GALNTL6: variants seen among roughly 807,000 people sequenced by gnomAD.
GALNTL6 encodes the protein polypeptide N-acetylgalactosaminyltransferase-like 6.
Under a neutral mutation model 73.7 loss-of-function variants are expected in GALNTL6, and 46 were observed. That is an observed-to-expected ratio of 0.62 (90% CI 0.49 to 0.80). GALNTL6 has a LOEUF of 0.80. Ranked by LOEUF, GALNTL6 falls within the 30% of genes least tolerant of loss-of-function variation. GALNTL6 has a pLI of 0.00. For missense variants in GALNTL6, 604 were observed against 755.0 expected, an observed-to-expected ratio of 0.80 and a Z score of 2.34; for synonymous variants, 259 against 263.7, an observed-to-expected ratio of 0.98 and a Z score of 0.17.
At chr4:172,333,222 A>G in intron 4 of GALNTL6, among the ~76,000 whole-genome samples, 1 of 152,214 alleles carries the variant, frequency 6.6e-6, no homozygotes, top group South Asian at 2.1e-4. Context: ...CCTGACCAAC[A>G]TGGAGAAACC....
At chr4:172,570,122 A>C (rs187370433) in intron 5 of GALNTL6, among the ~76,000 whole-genome samples, 3 of 152,268 alleles carry the variant, frequency 2.0e-5, no homozygotes, top group African/African-American at 4.8e-5. Flanking sequence ...AATACATGGG[A>C]GCTGAGGCAG....
chr4:172,378,719 A>G (rs1743147306), intron 5 of GALNTL6, among the ~76,000 whole-genome samples: 1 of 152,086 alleles, frequency 6.6e-6, no homozygotes, highest in South Asian at 2.1e-4. Context: ...ATAATATACA[A>G]TGTGAAGAAA....
chr4:172,581,860 G>A (rs1737203177), intron 5 of GALNTL6, among the ~76,000 whole-genome samples: 1 of 152,192 alleles, frequency 6.6e-6, no homozygotes, highest in African/African-American at 2.4e-5. Context: ...GCCCTCTGAA[G>A]GAGGTAAAAG....
At chr4:172,985,966 A>G (rs1751270743) in intron 10 of GALNTL6, among the ~76,000 whole-genome samples, 1 of 152,202 alleles carries the variant, frequency 6.6e-6, no homozygotes. Flanking sequence ...TCTGGTCCCT[A>G]ATCAAGAGGA....
At chr4:172,131,425 A>G (rs1486143751) in intron 2 of GALNTL6, among the ~76,000 whole-genome samples, 1 of 99,948 alleles carries the variant, frequency 1.0e-5, no homozygotes, top group East Asian at 2.5e-4. Flanking sequence ...ATATATATAT[A>G]TATACACACA....
At chr4:172,050,980 G>A (rs1389675127) in intron 2 of GALNTL6, among the ~76,000 whole-genome samples, 3 of 152,116 alleles carry the variant, frequency 2.0e-5, no homozygotes, top group Non-Finnish European at 4.4e-5. Context: ...TTCTTGCTGG[G>A]GTATTCTTGG....
intron 2 of GALNTL6, among the ~76,000 whole-genome samples, chr4:171,968,539 A>G (rs1217229281): frequency 1.3e-5 from 2 of 152,178 alleles, no homozygotes; most frequent in Non-Finnish European, 2.9e-5. Flanking sequence ...AGCATGATCT[A>G]GTTCTTTACC....
At position 172,348,614 on chromosome 4, in the gene GALNTL6, A is replaced by G. The variant is rs145624051; in HGVS notation, c.478A>G (p.Ile160Val). The G allele has an allele frequency of 2.2e-4, 353 of 1,612,488 alleles. No homozygotes were observed. Among genetic ancestry groups the G allele is most frequent in the Non-Finnish European group, 2.7e-4 (319 of 1,178,866 alleles). Residue 160 changes from isoleucine (I) to valine (V), a missense_variant, in exon 5 of 13, where the codon ATA becomes GTA. Around this residue, in one of 5 missense-constraint regions of GALNTL6, gnomAD observed 179 missense variants for 230.8 expected, o/e 0.78. Transcript: ENST00000506823. ...AGGTTGGACTTCACTCCTGCGGACC[A>G]TACACAGTATAATTAACCGAACCCC... ...NEGWTSLLRT[I>V]HSIINRTPGS...
In GALNTL6 at chr4:172,106,232, A is replaced by G. The variant is rs1732671092; in HGVS notation, c.139-123424A>G. Reference sequence around the variant, plus strand: ...TAATTTTCTATTCAACAATAAAAATACAGTTTGGTAATATTTTGCATACAA... The same window carrying G: ...TAATTTTCTATTCAACAATAAAAATGCAGTTTGGTAATATTTTGCATACAA... On this transcript the variant is annotated intron_variant, in intron 2 of 12. Coordinates refer to ENST00000506823, the MANE Select transcript of GALNTL6 (RefSeq NM_001034845.3). Among the ~76,000 whole-genome samples the G allele has an allele frequency of 2.0e-5, 3 of 152,184 alleles. No individual in the cohort carries two copies. In the South Asian group the frequency reaches 6.2e-4, roughly 31 times the overall value.
In GALNTL6 at chr4:172,916,172, A is replaced by G. The variant is rs1747496093; in HGVS notation, c.1042-14989A>G. On this transcript the variant is annotated intron_variant, in intron 8 of 12. Transcript: ENST00000506823. ...ACATGATTATCTCAATAGATGCAGA[A>G]AAGGCCTTTGACAAAATTCAACAAC... Among the ~76,000 whole-genome samples the G allele has an allele frequency of 1.3e-5, 2 of 152,252 alleles. 1 individual carries two copies. The highest frequency in any genetic ancestry group is 4.8e-5 in the African/African-American group (2 of 41,472).
Position 172,039,112 on chromosome 4 carries a change from A to G in GALNTL6, c.139-190544A>G, listed in dbSNP as rs1299034806. 4.6e-5 allele frequency among the ~76,000 whole-genome samples: 7 copies of G among 152,088 alleles called. No homozygotes were observed. The East Asian group carries it at 1.4e-3, about 29-fold the overall frequency. Reference sequence around the variant, plus strand: ...ATGGGTCATATTTCTTTTGTTCTTCATTTCAACTAATTTTGCATAATATCA... The same window carrying G: ...ATGGGTCATATTTCTTTTGTTCTTCGTTTCAACTAATTTTGCATAATATCA... On this transcript the variant is annotated intron_variant, in intron 2 of 12. Coordinates refer to ENST00000506823, the MANE Select transcript of GALNTL6 (RefSeq NM_001034845.3).
At chr4:171,847,350 C>T (rs1560811563) in intron 2 of GALNTL6, among the ~76,000 whole-genome samples, 2 of 152,070 alleles carry the variant, frequency 1.3e-5, no homozygotes, top group Admixed American at 1.3e-4. Context: ...TTACGAGCCT[C>T]CAGTGGTTTT....
At chr4:172,691,019 A>G (rs1319311894) in intron 5 of GALNTL6, among the ~76,000 whole-genome samples, 1 of 152,224 alleles carries the variant, frequency 6.6e-6, no homozygotes, top group Non-Finnish European at 1.5e-5. Flanking sequence ...GTCAACATTA[A>G]AGACCAAACA....
At chr4:173,004,571 A>G (rs1752191215) in intron 10 of GALNTL6, among the ~76,000 whole-genome samples, 1 of 152,196 alleles carries the variant, frequency 6.6e-6, no homozygotes, top group Non-Finnish European at 1.5e-5. Flanking sequence ...GATTGCAGTG[A>G]GCCGAGATTG....
intron 9 of GALNTL6, among the ~76,000 whole-genome samples, chr4:172,935,356 A>G (rs977894118): frequency 6.6e-6 from 1 of 152,206 alleles, no homozygotes; most frequent in Non-Finnish European, 1.5e-5. Flanking sequence ...TCACCCTAAT[A>G]TCAAAATTAA....
intron 2 of GALNTL6, among the ~76,000 whole-genome samples, chr4:172,063,605 AT>A (rs1386563738): frequency 6.6e-6 from 1 of 152,140 alleles, no homozygotes; most frequent in African/African-American, 2.4e-5. Flanking sequence ...ACAATTGTTT[AT>A]TAACCCAAAA....
At chr4:172,008,913 A>G (rs1044326779) in intron 2 of GALNTL6, among the ~76,000 whole-genome samples, 2 of 152,126 alleles carry the variant, frequency 1.3e-5, no homozygotes, top group African/African-American at 4.8e-5. Flanking sequence ...TAAATTTTAA[A>G]AAGAAACAAA....
At chr4:172,212,735 T>G (rs2110929881) in intron 2 of GALNTL6, among the ~76,000 whole-genome samples, 1 of 152,188 alleles carries the variant, frequency 6.6e-6, no homozygotes, top group Admixed American at 6.5e-5. Flanking sequence ...TGGCACCATC[T>G]CAGCTCACCA....
At chr4:172,707,438 A>G (rs10031202) in intron 5 of GALNTL6, among the ~76,000 whole-genome samples, 50,981 of 152,002 alleles carry the variant, frequency 0.34, 9,178 homozygotes, top group Middle Eastern at 0.48. Flanking sequence ...CACTACTTAG[A>G]AAAAGCAAAA....
Sources: allele counts gnomAD v4.1 joint callset (sites outside exome capture counted in the v4.1 genomes callset), GRCh38; gene constraint gnomAD v4.1.1; regional missense constraint gnomAD v4.1.1; transcripts MANE v1.5; gene names NCBI Gene and HGNC (gene_info 2026-07-23, HGNC 2026-07-21).